SMYD3: variants seen among roughly 807,000 people sequenced by gnomAD.
SMYD3 encodes SET and MYND domain containing 3.
In SMYD3, 36 loss-of-function variants were observed where a neutral mutation model predicts 57.7. The ratio of observed to expected loss-of-function variants is 0.62; its 90% CI spans 0.48 to 0.82. The LOEUF (loss-of-function observed/expected upper bound fraction) is 0.82, where lower values mean the gene tolerates loss of function less well. Ranked by LOEUF, SMYD3 falls within the 40% of genes least tolerant of loss-of-function variation. SMYD3 has a pLI of 0.00. For synonymous variants in SMYD3, 211 were observed against 195.0 expected (o/e 1.08, Z -0.68); for missense variants, 515 against 538.8 (o/e 0.96, Z 0.44).
At chr1:246,022,897 A>AT (rs2059497966) in intron 5 of SMYD3, among the ~76,000 whole-genome samples, 1 of 152,154 alleles carries the variant, frequency 6.6e-6, no homozygotes, top group African/African-American at 2.4e-5. Flanking sequence ...TTAACTCTAG[A>AT]TTTTCTTATC....
At chr1:246,252,192 G>A (rs1458952435) in intron 5 of SMYD3, among the ~76,000 whole-genome samples, 5 of 115,728 alleles carry the variant, frequency 4.3e-5, no homozygotes, top group East Asian at 2.8e-4. Context: ...TAGGTGCCTC[G>A]GACACTGTGC....
At chr1:246,057,136 CAAT>C (rs1429261687) in intron 5 of SMYD3, among the ~76,000 whole-genome samples, 15 of 152,128 alleles carry the variant, frequency 9.9e-5, no homozygotes, top group Admixed American at 9.2e-4. Context: ...ATAAAAATAA[CAAT>C]AATAATAATT....
At chr1:246,394,534 T>A (rs1296335485) in intron 1 of SMYD3, among the ~76,000 whole-genome samples, 2 of 152,248 alleles carry the variant, frequency 1.3e-5, no homozygotes, top group African/African-American at 4.8e-5. Flanking sequence ...GAACACAGGC[T>A]TTTGACAGAG....
rs547931913 is a variant in SMYD3, at chr1:246,319,124, T to C, written c.531+8077A>G. On this transcript the variant is annotated intron_variant, in intron 5 of 11. Coordinates refer to ENST00000490107, the MANE Select transcript of SMYD3 (RefSeq NM_001167740.2). Reference sequence around the variant, plus strand: ...GAATCAACTTCGAGATTCAATCTGTTGTAATAAAGACAACATATATAAATC... The same window carrying C: ...GAATCAACTTCGAGATTCAATCTGTCGTAATAAAGACAACATATATAAATC... 9.8e-5 allele frequency among the ~76,000 whole-genome samples: 15 copies of C among 152,320 alleles called. No homozygotes were observed. In the East Asian group the frequency reaches 2.9e-3, roughly 29 times the overall value.
intron 5 of SMYD3, among the ~76,000 whole-genome samples, chr1:245,969,008 G>A (rs1326495371): frequency 2.0e-5 from 3 of 152,148 alleles, no homozygotes; most frequent in African/African-American, 7.2e-5. Context: ...GTCCTGTGGA[G>A]GCAACCTCTA....
chr1:246,218,350 GC>G (rs1558323600), intron 5 of SMYD3, among the ~76,000 whole-genome samples: 2 of 152,086 alleles, frequency 1.3e-5, no homozygotes, highest in African/African-American at 4.8e-5. Context: ...CAGGCCGGGC[GC>G]GGTGGCTCAC....
At chr1:246,449,795 A>C (rs2067604026) in intron 1 of SMYD3, among the ~76,000 whole-genome samples, 1 of 152,194 alleles carries the variant, frequency 6.6e-6, no homozygotes, top group African/African-American at 2.4e-5. Flanking sequence ...TATGTTCTTC[A>C]GCTTTGAAAC....
chr1:246,039,715 G>C (rs1357195491), intron 5 of SMYD3, among the ~76,000 whole-genome samples: 1 of 152,192 alleles, frequency 6.6e-6, no homozygotes, highest in Non-Finnish European at 1.5e-5. Flanking sequence ...TCAGTCACAG[G>C]GTAGTAAGGA....
intron 3 of SMYD3, among the ~76,000 whole-genome samples, chr1:246,332,550 A>G (rs1260519057): frequency 6.6e-6 from 1 of 152,240 alleles, no homozygotes; most frequent in African/African-American, 2.4e-5. Context: ...TTACGCCCAC[A>G]ATCTCAGCAC....
At chr1:246,468,774 A>G (rs2067917980) in intron 1 of SMYD3, among the ~76,000 whole-genome samples, 1 of 152,150 alleles carries the variant, frequency 6.6e-6, no homozygotes, top group Admixed American at 6.6e-5. Context: ...TCAGGAGTTT[A>G]AGACCAGACT....
At chr1:246,115,172 A>C (rs1227537635) in intron 5 of SMYD3, among the ~76,000 whole-genome samples, 1 of 152,236 alleles carries the variant, frequency 6.6e-6, no homozygotes, top group African/African-American at 2.4e-5. Context: ...TCAGCCTTAA[A>C]TATTCCACGG....
At chr1:246,273,142 T>TTTTTTTTC (rs1558367482) in intron 5 of SMYD3, among the ~76,000 whole-genome samples, 3 of 128,642 alleles carry the variant, frequency 2.3e-5, no homozygotes, top group African/African-American at 1.0e-4. Context: ...TTTCTTTTTT[T>TTTTTTTTC]TTTTTTTTTT....
chr1:246,385,808 G>C (rs1167305700), intron 1 of SMYD3, among the ~76,000 whole-genome samples: 1 of 152,130 alleles, frequency 6.6e-6, no homozygotes, highest in Non-Finnish European at 1.5e-5. Context: ...TCTGAAAGTG[G>C]GGCTTTTCTG....
intron 5 of SMYD3, among the ~76,000 whole-genome samples, chr1:245,945,111 T>C (rs1443756965): frequency 6.6e-6 from 1 of 152,016 alleles, no homozygotes; most frequent in Non-Finnish European, 1.5e-5. Context: ...TCAAAAGCAA[T>C]TGCAACAAAA....
intron 8 of SMYD3, among the ~76,000 whole-genome samples, chr1:245,868,682 C>A (rs1358743075): frequency 6.6e-6 from 1 of 152,190 alleles, no homozygotes; most frequent in African/African-American, 2.4e-5. Flanking sequence ...CCTCTGAGAG[C>A]ATTTTATATT....
chr1:245,856,007 C>T (rs550851022), intron 10 of SMYD3, among the ~76,000 whole-genome samples: 1 of 152,246 alleles, frequency 6.6e-6, no homozygotes, highest in Non-Finnish European at 1.5e-5. Flanking sequence ...CCACCTCCTG[C>T]GTCTGCAGGG....
At chr1:246,475,552 A>G (rs1258738186) in intron 1 of SMYD3, among the ~76,000 whole-genome samples, 5 of 151,828 alleles carry the variant, frequency 3.3e-5, no homozygotes, top group African/African-American at 1.2e-4. Flanking sequence ...AAACTGAGGC[A>G]AGAGGATCGC....
At chr1:245,880,920 AGT>A (rs989545180) in intron 8 of SMYD3, among the ~76,000 whole-genome samples, 22 of 152,156 alleles carry the variant, frequency 1.4e-4, no homozygotes, top group African/African-American at 5.1e-4. Context: ...GCTCAAAAAG[AGT>A]GTGCTGAGAT....
intron 1 of SMYD3, among the ~76,000 whole-genome samples, chr1:246,502,550 T>C (rs75595705): frequency 0.012 from 1,880 of 152,310 alleles, 27 homozygotes; most frequent in African/African-American, 0.043. Context: ...ATTTAAAACT[T>C]GTCAAACAAT....
Sources: allele counts gnomAD v4.1 joint callset (sites outside exome capture counted in the v4.1 genomes callset), GRCh38; gene constraint gnomAD v4.1.1; transcripts MANE v1.5; gene names NCBI Gene and HGNC (gene_info 2026-07-23, HGNC 2026-07-21).